The following KCNC2 variants were observed in gnomAD, a reference collection of about 807,000 sequenced individuals.
The protein encoded by KCNC2 is potassium voltage-gated channel subfamily C member 2.
A neutral mutation model predicts 44.5 loss-of-function variants in KCNC2; 21 were observed. The observed-to-expected ratio is 0.47, with a 90% confidence interval of 0.33 to 0.68. The LOEUF (loss-of-function observed/expected upper bound fraction) is 0.68. KCNC2 is among the 30% of genes least tolerant of loss of function. The pLI is 0.01. For synonymous variants in KCNC2, 391 were observed against 339.1 expected (o/e 1.15, Z -1.68); for missense variants, 589 against 826.2 (o/e 0.71, Z 3.52).
chr12:75,098,688 G>C (rs561346065), intron 2 of KCNC2, among the ~76,000 whole-genome samples: 2 of 152,114 alleles, frequency 1.3e-5, no homozygotes, highest in African/African-American at 4.8e-5. Flanking sequence ...GAACTCAGGA[G>C]GCAGAGGCTG....
intron 2 of KCNC2, among the ~76,000 whole-genome samples, chr12:75,193,383 CA>C (rs2030477999): frequency 6.6e-6 from 1 of 151,998 alleles, no homozygotes; most frequent in Non-Finnish European, 1.5e-5. Flanking sequence ...CTTTTCTTCC[CA>C]AGGAAATCCG....
intron 2 of KCNC2, among the ~76,000 whole-genome samples, chr12:75,181,519 T>G (rs1051103315): frequency 7.2e-5 from 11 of 152,134 alleles, no homozygotes; most frequent in African/African-American, 2.7e-4. Context: ...CTGCTGAGGG[T>G]TCCCTAATGG....
intron 2 of KCNC2, among the ~76,000 whole-genome samples, chr12:75,086,906 G>T (rs930659130): frequency 6.6e-6 from 1 of 151,746 alleles, no homozygotes; most frequent in African/African-American, 2.4e-5. Context: ...TTTTTACAAT[G>T]TTTGTAAATT....
intron 2 of KCNC2, among the ~76,000 whole-genome samples, chr12:75,166,586 A>G (rs1052623036): frequency 6.6e-6 from 1 of 151,348 alleles, no homozygotes; most frequent in African/African-American, 2.4e-5. Context: ...CAATAAATCT[A>G]TAAGTATTAA....
chr12:75,140,672 A>G (rs1022761079), intron 2 of KCNC2, among the ~76,000 whole-genome samples: 6 of 152,122 alleles, frequency 3.9e-5, no homozygotes, highest in Non-Finnish European at 7.4e-5. Context: ...ACGCAGGCAG[A>G]CAAAAAAGAA....
chr12:75,163,810 A>G (rs973310235), intron 2 of KCNC2, among the ~76,000 whole-genome samples: 6 of 151,676 alleles, frequency 4.0e-5, no homozygotes, highest in African/African-American at 1.5e-4. Context: ...CTAACTGTTT[A>G]TCTTAAAACA....
At chr12:75,180,794 A>G (rs1304459158) in intron 2 of KCNC2, among the ~76,000 whole-genome samples, 1 of 152,056 alleles carries the variant, frequency 6.6e-6, no homozygotes, top group African/African-American at 2.4e-5. Flanking sequence ...TAAATGATAC[A>G]TATTTAAAGT....
intron 2 of KCNC2, among the ~76,000 whole-genome samples, chr12:75,177,981 G>A (rs1364165756): frequency 6.6e-6 from 1 of 151,906 alleles, no homozygotes; most frequent in Non-Finnish European, 1.5e-5. Flanking sequence ...GATATTTAGA[G>A]ACATCAAATA....
intron 2 of KCNC2, among the ~76,000 whole-genome samples, chr12:75,067,274 G>A (rs1445738205): frequency 3.3e-5 from 5 of 152,112 alleles, no homozygotes; most frequent in Non-Finnish European, 7.4e-5. Flanking sequence ...CGTGTTTAGA[G>A]TTGCCTTTAT....
At chr12:75,068,408 A>G (rs1252464677) in intron 2 of KCNC2, among the ~76,000 whole-genome samples, 1 of 152,234 alleles carries the variant, frequency 6.6e-6, no homozygotes, top group Non-Finnish European at 1.5e-5. Flanking sequence ...AAGCAGTGGC[A>G]GCAGCCATCA....
In KCNC2 at chr12:75,043,047, G is replaced by T; in HGVS notation, c.*58C>A. 6.2e-7 allele frequency: 1 copy of T among 1,601,992 alleles called. No individual in the cohort carries two copies. Among genetic ancestry groups the T allele is most frequent in the Non-Finnish European group, 8.5e-7 (1 of 1,173,494 alleles). On this transcript the variant is annotated 3_prime_UTR_variant, in exon 5 of 5. Coordinates refer to ENST00000549446, the MANE Select transcript of KCNC2 (RefSeq NM_139137.4). The stretch of plus-strand genomic sequence containing the variant: ...CTACATTTAATTATTTCCATTATGG[G>T]GTAAACAGCACTTGAATTAATACAA...
intron 2 of KCNC2, among the ~76,000 whole-genome samples, chr12:75,157,356 G>C (rs537765225): frequency 4.6e-5 from 7 of 151,932 alleles, no homozygotes; most frequent in Non-Finnish European, 8.8e-5. Context: ...AAGGCTAAAA[G>C]AATCACAGAA....
chr12:75,088,441 T>G (rs866345500), intron 2 of KCNC2, among the ~76,000 whole-genome samples: 33 of 152,100 alleles, frequency 2.2e-4, no homozygotes, highest in Admixed American at 1.3e-4. Context: ...CTACAATTAA[T>G]TGACTACCTG....
intron 2 of KCNC2, among the ~76,000 whole-genome samples, chr12:75,204,714 T>A (rs551613015): frequency 7.4e-4 from 113 of 152,264 alleles, no homozygotes; most frequent in African/African-American, 2.7e-3. Flanking sequence ...TATGATTCTA[T>A]TTTTCAAACT....
At chr12:75,130,760 T>TA (rs1888780235) in intron 2 of KCNC2, among the ~76,000 whole-genome samples, 3 of 150,510 alleles carry the variant, frequency 2.0e-5, no homozygotes, top group Non-Finnish European at 2.9e-5. Context: ...TTTTCACATA[T>TA]TGTGAAAGGA....
chr12:75,128,610 A>C (rs565944977), intron 2 of KCNC2, among the ~76,000 whole-genome samples: 1 of 152,270 alleles, frequency 6.6e-6, no homozygotes, highest in South Asian at 2.1e-4. Flanking sequence ...TTCAGAAGAA[A>C]AGAAAATCAT....
chr12:75,173,679 A>C (rs926284304), intron 2 of KCNC2, among the ~76,000 whole-genome samples: 6 of 151,868 alleles, frequency 4.0e-5, no homozygotes, highest in African/African-American at 1.2e-4. Context: ...TTAGAGGGTA[A>C]AATTTAAAAC....
rs139036644 is a variant in KCNC2 at position 75,127,671 on chromosome 12, A to G, written c.688-76354T>C. Among the ~76,000 whole-genome samples, 1,307 of 152,278 alleles carry G rather than the reference A, an allele frequency of 8.6e-3. 19 individuals carry two copies. The highest frequency in any genetic ancestry group is 0.029 in the African/African-American group (1,225 of 41,566). On this transcript the variant is annotated intron_variant, in intron 2 of 4. Coordinates refer to ENST00000549446, the MANE Select transcript of KCNC2 (RefSeq NM_139137.4). Reference sequence around the variant, plus strand: ...TCTAAAATGAGGAGGCAGGTGAAAGAGACACAAAATGTGTCATGGTTTTTA... The same window carrying G: ...TCTAAAATGAGGAGGCAGGTGAAAGGGACACAAAATGTGTCATGGTTTTTA...
chr12:75,109,519 G>C (rs556637032), intron 2 of KCNC2, among the ~76,000 whole-genome samples: 3 of 152,164 alleles, frequency 2.0e-5, no homozygotes, highest in African/African-American at 4.8e-5. Flanking sequence ...ACTGTTAACT[G>C]TCTTTGATGC....
Sources: gnomAD v4.1 joint callset for allele counts (sites outside exome capture counted in the v4.1 genomes callset) on GRCh38, gnomAD v4.1.1 for gene constraint, MANE v1.5 for transcripts, NCBI Gene and HGNC (gene_info 2026-07-23, HGNC 2026-07-21) for gene names.